Variants in KLHL29 observed in about 807,000 individuals in gnomAD.
KLHL29 encodes the protein kelch like family member 29, also known as kelch-like protein 29.
Under a neutral mutation model 80.4 loss-of-function variants are expected in KLHL29, and 21 were observed. That is an observed-to-expected ratio of 0.26 (90% CI 0.19 to 0.38). KLHL29 has a LOEUF of 0.38. Ranked by LOEUF, KLHL29 falls within the 10% of genes least tolerant of loss-of-function variation. KLHL29 has a pLI of 1.00. For synonymous variants in KLHL29, 511 were observed against 526.8 expected (o/e 0.97, Z 0.41); for missense variants, 867 against 1,223.9 (o/e 0.71, Z 4.35).
At chr2:23,575,525 T>G (rs1319480784) in intron 3 of KLHL29, among the ~76,000 whole-genome samples, 1 of 152,172 alleles carries the variant, frequency 6.6e-6, no homozygotes, top group East Asian at 1.9e-4. Context: ...CAGCCACGGC[T>G]CCAAGTGTTT....
intron 2 of KLHL29, among the ~76,000 whole-genome samples, chr2:23,477,047 A>G (rs1664659809): frequency 1.3e-5 from 2 of 152,252 alleles, no homozygotes; most frequent in South Asian, 4.1e-4. Context: ...AGGACAGTGG[A>G]GGCCCAGCTG....
intron 13 of KLHL29, among the ~76,000 whole-genome samples, chr2:23,706,248 G>A (rs1455004018): frequency 6.6e-6 from 1 of 152,146 alleles, no homozygotes; most frequent in African/African-American, 2.4e-5. Context: ...GGGCAGGGAG[G>A]GAGCGCCTTC....
chr2:23,490,814 A>G (rs534223653), intron 2 of KLHL29, among the ~76,000 whole-genome samples: 89 of 152,272 alleles, frequency 5.8e-4, no homozygotes, highest in African/African-American at 2.0e-3. Context: ...CCCCCATGCC[A>G]GCTGCTAGGT....
At chr2:23,706,432 C>A in intron 13 of KLHL29, 49 bp from the exon 14 acceptor site, 1 of 1,374,082 alleles carries the variant, frequency 7.3e-7, no homozygotes, top group Non-Finnish European at 9.5e-7. Context: ...ATCTCCAGGG[C>A]CAAGTTGGAA....
In KLHL29 at chr2:23,482,464, C is replaced by T. The variant is rs917378590; in HGVS notation, c.-46+6797C>T. 2.0e-5 allele frequency among the ~76,000 whole-genome samples: 3 copies of T among 152,226 alleles called. No individual in the cohort carries two copies. In the East Asian group the frequency reaches 5.8e-4, roughly 29 times the overall value. ...CCCCCAGCCTGTGCTCTGGGAGTGT[C>T]GCTGTGCCCTTGAGAGTTCAGAGAG... On this transcript the variant is annotated intron_variant, in intron 2 of 13. Coordinates refer to ENST00000486442, the MANE Select transcript of KLHL29 (RefSeq NM_052920.2).
intron 2 of KLHL29, among the ~76,000 whole-genome samples, chr2:23,480,225 G>C (rs557391600): frequency 6.6e-6 from 1 of 152,312 alleles, no homozygotes; most frequent in Middle Eastern, 3.4e-3. Flanking sequence ...GGTGGCTCAC[G>C]CCTGTAATCC....
chr2:23,490,139 C>T (rs1002640820), intron 2 of KLHL29, among the ~76,000 whole-genome samples: 23 of 152,236 alleles, frequency 1.5e-4, no homozygotes, highest in Non-Finnish European at 2.8e-4. Context: ...CTTTTGGCCT[C>T]TTGATCTCCC....
intron 3 of KLHL29, among the ~76,000 whole-genome samples, chr2:23,613,739 G>A (rs1668928068): frequency 7.5e-6 from 1 of 133,684 alleles, no homozygotes; most frequent in East Asian, 2.2e-4. Context: ...ACTCCAGCCT[G>A]GGCGGCAGGG....
At chr2:23,421,683 GTGTGTGACTGTGTA>G (rs1219125238) in intron 1 of KLHL29, among the ~76,000 whole-genome samples, 1 of 147,472 alleles carries the variant, frequency 6.8e-6, no homozygotes, top group Non-Finnish European at 1.5e-5. Context: ...TATATGTTGT[GTGTGTGACTGTGTA>G]TGTGTGACTG....
At chr2:23,520,191 G>T (rs1329266432) in intron 2 of KLHL29, among the ~76,000 whole-genome samples, 1 of 152,160 alleles carries the variant, frequency 6.6e-6, no homozygotes, top group Non-Finnish European at 1.5e-5. Context: ...GAAGCCCTCT[G>T]CTAAATAGAA....
chr2:23,516,876 C>G (rs1209661701), intron 2 of KLHL29, among the ~76,000 whole-genome samples: 1 of 152,042 alleles, frequency 6.6e-6, no homozygotes, highest in Non-Finnish European at 1.5e-5. Flanking sequence ...GGGATTCCCT[C>G]CAGACCCTCA....
intron 5 of KLHL29, among the ~76,000 whole-genome samples, chr2:23,660,833 C>T (rs1486704078): frequency 2.0e-5 from 3 of 152,080 alleles, no homozygotes; most frequent in African/African-American, 7.2e-5. Flanking sequence ...CAAGGTCAGC[C>T]TGGCCACCAT....
At chr2:23,387,101 T>TGCGCCGCGGC (rs1666203711) in intron 1 of KLHL29, among the ~76,000 whole-genome samples, 1 of 152,066 alleles carries the variant, frequency 6.6e-6, no homozygotes, top group Admixed American at 6.5e-5. Context: ...CTCCCGTGCT[T>TGCGCCGCGGC]GCGCCGCGGC....
chr2:23,683,725 G>C (rs1387185338), intron 5 of KLHL29, among the ~76,000 whole-genome samples: 1 of 152,228 alleles, frequency 6.6e-6, no homozygotes, highest in Non-Finnish European at 1.5e-5. Flanking sequence ...GAGAGGGTGG[G>C]TGTCCTGAGA....
intron 2 of KLHL29, among the ~76,000 whole-genome samples, chr2:23,507,769 C>T (rs1665646424): frequency 6.6e-6 from 1 of 152,106 alleles, no homozygotes. Flanking sequence ...TGTTGTTGCT[C>T]TGACCTTTGA....
chr2:23,505,049 C>G (rs1012468449), intron 2 of KLHL29, among the ~76,000 whole-genome samples: 13 of 152,226 alleles, frequency 8.5e-5, no homozygotes, highest in Non-Finnish European at 1.9e-4. Context: ...GAACAAAACC[C>G]TTAAATCCTC....
intron 1 of KLHL29, among the ~76,000 whole-genome samples, chr2:23,474,777 G>C (rs555269877): frequency 2.0e-5 from 3 of 152,002 alleles, no homozygotes; most frequent in African/African-American, 7.3e-5. Flanking sequence ...CCTGCTACCC[G>C]GGACTCTGGA....
chr2:23,391,141 T>C (rs552253487), intron 1 of KLHL29, among the ~76,000 whole-genome samples: 1 of 152,368 alleles, frequency 6.6e-6, no homozygotes, highest in South Asian at 2.1e-4. Context: ...GTGAGTGGAA[T>C]CATGCCACAT....
At chr2:23,451,925 A>T (rs1280037096) in intron 1 of KLHL29, among the ~76,000 whole-genome samples, 3 of 152,190 alleles carry the variant, frequency 2.0e-5, no homozygotes, top group Non-Finnish European at 2.9e-5. Context: ...GAGAGGCCTC[A>T]GGATGCTTCT....
Sources: gnomAD v4.1 joint callset for allele counts (sites outside exome capture counted in the v4.1 genomes callset) on GRCh38, gnomAD v4.1.1 for gene constraint, MANE v1.5 for transcripts, NCBI Gene and HGNC (gene_info 2026-07-23, HGNC 2026-07-21) for gene names.